The following ADAMTS16 variants were observed in gnomAD, a reference collection of about 807,000 sequenced individuals.
ADAMTS16 encodes the protein ADAM metallopeptidase with thrombospondin type 1 motif 16.
A neutral mutation model predicts 145.8 loss-of-function variants in ADAMTS16; 94 were observed. The observed-to-expected ratio is 0.64, with a 90% CI of 0.55 to 0.77. The LOEUF is 0.77. ADAMTS16 is among the 30% of genes least tolerant of loss of function. ADAMTS16 has a pLI of 0.00. For synonymous variants in ADAMTS16, 659 were observed against 604.3 expected (o/e 1.09, Z -1.33); for missense variants, 1,585 against 1,591.5 (o/e 1.00, Z 0.07).
chr5:5,178,166 A>G (rs891569745), intron 3 of ADAMTS16, among the ~76,000 whole-genome samples: 3 of 152,218 alleles, frequency 2.0e-5, no homozygotes, highest in Non-Finnish European at 4.4e-5. Context: ...TCCCAGCAGT[A>G]ACACAACACA....
At chr5:5,140,631 G>C (rs1206286088) in intron 1 of ADAMTS16, 33 bp from the exon 2 acceptor site, 1 of 1,531,686 alleles carries the variant, frequency 6.5e-7, no homozygotes. Context: ...GGACCCCGCC[G>C]TCTCACCGCG....
At chr5:5,254,871 C>A (rs552285717) in intron 17 of ADAMTS16, among the ~76,000 whole-genome samples, 1 of 152,196 alleles carries the variant, frequency 6.6e-6, no homozygotes, top group East Asian at 1.9e-4. Context: ...CTAAAATATA[C>A]TACATTAATT....
At chr5:5,194,434 C>A (rs1178148134) in intron 8 of ADAMTS16, among the ~76,000 whole-genome samples, 2 of 152,168 alleles carry the variant, frequency 1.3e-5, no homozygotes, top group Non-Finnish European at 2.9e-5. Context: ...TGGAAACCAC[C>A]CAGGACAGTT....
intron 6 of ADAMTS16, among the ~76,000 whole-genome samples, chr5:5,188,398 T>A (rs1401493597): frequency 6.6e-6 from 1 of 152,214 alleles, no homozygotes; most frequent in Non-Finnish European, 1.5e-5. Flanking sequence ...ATCCTTTGCC[T>A]TCATTTGGGA....
At chr5:5,155,129 T>G (rs538998197) in intron 3 of ADAMTS16, among the ~76,000 whole-genome samples, 1 of 152,338 alleles carries the variant, frequency 6.6e-6, no homozygotes, top group South Asian at 2.1e-4. Flanking sequence ...CCTGATTGTA[T>G]CTGCTTAACA....
At chr5:5,195,191 G>C (rs989440984) in intron 8 of ADAMTS16, among the ~76,000 whole-genome samples, 5 of 152,194 alleles carry the variant, frequency 3.3e-5, no homozygotes, top group African/African-American at 1.2e-4. Context: ...GTGTTCTCCT[G>C]TAGTACATGG....
intron 3 of ADAMTS16, among the ~76,000 whole-genome samples, chr5:5,150,761 G>A (rs183732559): frequency 3.3e-4 from 50 of 152,300 alleles, no homozygotes; most frequent in Admixed American, 1.7e-3. Flanking sequence ...ATAGTCATCC[G>A]TAGAATTGTT....
intron 10 of ADAMTS16, among the ~76,000 whole-genome samples, chr5:5,211,241 T>C (rs1379650433): frequency 1.3e-5 from 2 of 152,132 alleles, no homozygotes; most frequent in Non-Finnish European, 2.9e-5. Context: ...CTGATTCAAC[T>C]ACACTAATAG....
intron 17 of ADAMTS16, among the ~76,000 whole-genome samples, chr5:5,247,327 C>G (rs531975064): frequency 3.2e-4 from 48 of 152,224 alleles, no homozygotes; most frequent in African/African-American, 1.2e-3. Context: ...TTATCTAAGT[C>G]CCTATAAATT....
chr5:5,310,766 T>A lies in ADAMTS16; in HGVS notation c.3411+4038T>A, dbSNP rs1045088519. ...ATTTTGGATTTCTGGCGTCCTAAAC[T>A]GTGAAAGAATAAATTTCTGTTATTT... On this transcript the variant is annotated intron_variant, in intron 21 of 22. Coordinates refer to ENST00000274181, the MANE Select transcript of ADAMTS16 (RefSeq NM_139056.4). This position sits in a 1 kb window ranked among gnomAD's most constrained non-coding sequence, Gnocchi z 4.3. Among the ~76,000 whole-genome samples the A allele has an allele frequency of 2.6e-5, 4 of 152,184 alleles. No individual in the cohort carries two copies. The highest frequency in any genetic ancestry group is 9.7e-5 in the African/African-American group (4 of 41,442).
chr5:5,219,624 C>A (rs1383855463), intron 10 of ADAMTS16, among the ~76,000 whole-genome samples: 3 of 152,184 alleles, frequency 2.0e-5, no homozygotes, highest in African/African-American at 7.2e-5. Flanking sequence ...TGTTGAAAGA[C>A]AATACCGTGG....
chr5:5,216,296 A>G (rs1736439295), intron 10 of ADAMTS16, among the ~76,000 whole-genome samples: 1 of 151,864 alleles, frequency 6.6e-6, no homozygotes, highest in Non-Finnish European at 1.5e-5. Context: ...ATCATTAGTG[A>G]TGTTGAGCAG....
intron 3 of ADAMTS16, among the ~76,000 whole-genome samples, chr5:5,179,803 C>G (rs1056213677): frequency 2.0e-5 from 3 of 152,152 alleles, no homozygotes; most frequent in African/African-American, 7.2e-5. Context: ...GTCTACCCCC[C>G]ATGGTGGTGC....
intron 9 of ADAMTS16, among the ~76,000 whole-genome samples, chr5:5,208,165 G>A (rs528887094): frequency 6.6e-6 from 1 of 152,154 alleles, no homozygotes; most frequent in Admixed American, 6.5e-5. Flanking sequence ...TGCTTTTTAT[G>A]CACGGAGTCC....
intron 14 of ADAMTS16, 72 bp from the exon 15 acceptor site, chr5:5,239,079 A>G (rs1737202549): frequency 6.6e-6 from 9 of 1,373,430 alleles, no homozygotes; most frequent in Non-Finnish European, 6.6e-6. Context: ...GGTTTCTTGC[A>G]TGAGATTGGT....
chr5:5,241,362 C>T (rs1277288434), intron 16 of ADAMTS16, among the ~76,000 whole-genome samples: 1 of 152,206 alleles, frequency 6.6e-6, no homozygotes, highest in Non-Finnish European at 1.5e-5. Flanking sequence ...CAAACCCATT[C>T]CATGCCCTAA....
At chr5:5,251,536 C>G (rs1036620625) in intron 17 of ADAMTS16, among the ~76,000 whole-genome samples, 1 of 152,200 alleles carries the variant, frequency 6.6e-6, no homozygotes, top group Non-Finnish European at 1.5e-5. Context: ...AAAACCTTTT[C>G]TGTTGGGAAA....
intron 18 of ADAMTS16, among the ~76,000 whole-genome samples, chr5:5,274,550 G>C (rs1195889000): frequency 6.6e-6 from 1 of 152,036 alleles, no homozygotes; most frequent in Non-Finnish European, 1.5e-5. Flanking sequence ...CTTAGCATTG[G>C]ATAACATTTT....
chr5:5,315,106 G>A (rs1733997573), intron 21 of ADAMTS16, among the ~76,000 whole-genome samples: 1 of 152,186 alleles, frequency 6.6e-6, no homozygotes, highest in Non-Finnish European at 1.5e-5. Flanking sequence ...AATCATGGTG[G>A]AATGGGAAGC....
Sources: allele counts gnomAD v4.1 joint callset (sites outside exome capture counted in the v4.1 genomes callset), GRCh38; gene constraint gnomAD v4.1.1; non-coding constraint Gnocchi (gnomAD v3.1); transcripts MANE v1.5; gene names NCBI Gene and HGNC (gene_info 2026-07-23, HGNC 2026-07-21).